ESYT3: variants seen among roughly 807,000 people sequenced by gnomAD.
ESYT3 encodes the protein extended synaptotagmin 3, also known as extended synaptotagmin-3.
Under a neutral mutation model 111.5 loss-of-function variants are expected in ESYT3, and 101 were observed. That is an observed-to-expected ratio of 0.91 (90% CI 0.77 to 1.07). ESYT3 has a LOEUF of 1.07. Among genes scored for constraint, ESYT3 ranks in the 50% least tolerant of loss-of-function variants. The probability of loss-of-function intolerance (pLI) is 0.00; values close to 1 mark genes in which losing one functional copy is unlikely to be tolerated. For synonymous variants in ESYT3, 416 were observed against 446.8 expected, an observed-to-expected ratio of 0.93 and a Z score of 0.87; for missense variants, 1,097 against 1,109.4, an observed-to-expected ratio of 0.99 and a Z score of 0.16.
intron 18 of ESYT3, chr3:138,473,076 G>T: frequency 7.1e-7 from 1 of 1,412,512 alleles, no homozygotes; most frequent in Non-Finnish European, 9.2e-7. Flanking sequence ...CTATAAAATA[G>T]ATGCTGGACT....
intron 1 of ESYT3, among the ~76,000 whole-genome samples, chr3:138,445,379 C>G (rs553635096): frequency 6.6e-6 from 1 of 152,228 alleles, no homozygotes; most frequent in African/African-American, 2.4e-5. Context: ...GCAGTTGCCC[C>G]CATTGGGCAG....
At position 138,479,084 on chromosome 3, in the gene ESYT3, AAAAC is replaced by A. The variant is rs2033611996; in HGVS notation, c.*2232_*2235del. 6.6e-6 allele frequency: 1 copy of A among 152,244 alleles called. No individual in the cohort carries two copies. Among genetic ancestry groups the A allele is most frequent in the Non-Finnish European group, 1.5e-5 (1 of 68,050 alleles). The allele number at this position is 152,244 out of a possible 1,614,324, so 9.4% of individuals were successfully genotyped here. A position where few individuals can be genotyped will look rare whatever the true frequency, so the allele number is the denominator to read the frequency against. On this transcript the variant is annotated 3_prime_UTR_variant, in exon 23 of 23. Transcript: ENST00000389567. ...CAAAAATAAATTATGAAACAAAACAAAAACAGACTTTAAAAAAAATACAAAGTAC... is the reference window on the plus strand; with the variant it reads ...CAAAAATAAATTATGAAACAAAACAAAGACTTTAAAAAAAATACAAAGTAC...
In ESYT3 at chr3:138,467,563, T is replaced by C; in HGVS notation, c.1172T>C (p.Leu391Pro). The C allele has an allele frequency of 6.2e-7, 1 of 1,614,156 alleles. No homozygotes were observed. Among genetic ancestry groups the C allele is most frequent in the Non-Finnish European group, 8.5e-7 (1 of 1,180,008 alleles). Residue 391 changes from leucine to proline, a missense_variant and splice_region_variant, in exon 11 of 23, where the codon CTG becomes CCG. Leu to Pro is a moderately conservative substitution (Grantham distance 98). Transcript: ENST00000389567. ...DTDRDDFLGSLQICLGDVMTN... is the reference protein window; with the variant it reads ...DTDRDDFLGSPQICLGDVMTN... ...TCCCCTCTCCCTGTATATTCCAGCCTGCAGATCTGCCTTGGAGATGTCATG... is the reference window on the plus strand; with the variant it reads ...TCCCCTCTCCCTGTATATTCCAGCCCGCAGATCTGCCTTGGAGATGTCATG...
chr3:138,436,742 A>G (rs1431463171), intron 1 of ESYT3, among the ~76,000 whole-genome samples: 2 of 152,158 alleles, frequency 1.3e-5, no homozygotes, highest in African/African-American at 4.8e-5. Context: ...CCTTGCACAC[A>G]GTTGAGGGAG....
At position 138,434,814 on chromosome 3, in the gene ESYT3, C is replaced by A; in HGVS notation, c.16C>A (p.Pro6Thr). ...CGGCGACGAGATGCGAGCAGAGGAG[C>A]CCTGCGCCCCCGGGGCCCCCAGCGC... MRAEE[P>T]CAPGAPSALG... is the part of the protein sequence containing the mutation. The change falls in exon 1 of 23, where the codon CCC (proline) becomes ACC (threonine). Residue 6 changes from proline (P) to threonine (T), a missense_variant. Coordinates refer to ENST00000389567, the MANE Select transcript of ESYT3 (RefSeq NM_031913.5). 1 of 1,560,234 alleles carries A rather than the reference C, an allele frequency of 6.4e-7. No individual in the cohort carries two copies. The highest frequency in any genetic ancestry group is 8.7e-7 in the Non-Finnish European group (1 of 1,155,094).
At chr3:138,464,200 C>A in intron 8 of ESYT3, 145 bp from the exon 9 acceptor site, 1 of 884,746 alleles carries the variant, frequency 1.1e-6, no homozygotes, top group Non-Finnish European at 1.7e-6. Flanking sequence ...CAGGTCACTG[C>A]CGTATCTGGC....
chr3:138,448,659 CA>C (rs1252025146), intron 1 of ESYT3, among the ~76,000 whole-genome samples: 2 of 151,754 alleles, frequency 1.3e-5, no homozygotes, highest in South Asian at 4.1e-4. Flanking sequence ...CTTCAAGTTC[CA>C]AAAAAAGACC....
At chr3:138,470,765 T>C in intron 16 of ESYT3, 112 bp from the exon 17 acceptor site, 1 of 1,551,074 alleles carries the variant, frequency 6.4e-7, no homozygotes, top group Non-Finnish European at 8.7e-7. Flanking sequence ...CAGATGCCCA[T>C]AGAAGCACAG....
intron 19 of ESYT3, 31 bp downstream of exon 19, chr3:138,473,665 T>C: frequency 6.3e-7 from 1 of 1,585,072 alleles, no homozygotes; most frequent in Non-Finnish European, 8.7e-7. Context: ...GGGAGGTCCT[T>C]TGGGAGCATC....
intron 1 of ESYT3, among the ~76,000 whole-genome samples, chr3:138,451,749 C>T (rs980223671): frequency 6.6e-6 from 1 of 152,370 alleles, no homozygotes; most frequent in East Asian, 1.9e-4. Flanking sequence ...TGCCCAGAAA[C>T]GCCCACGCGA....
intron 18 of ESYT3, chr3:138,473,146 C>A: frequency 7.5e-7 from 1 of 1,332,908 alleles, no homozygotes; most frequent in Non-Finnish European, 9.6e-7. Context: ...ACATGGAAAG[C>A]TTAATATGTA....
At position 138,435,793 on chromosome 3, in the gene ESYT3, C is replaced by T. The variant is rs952850434; in HGVS notation, c.327+668C>T. ...ATTCCTCAAACGCTTCTGGTCCTGG[C>T]TTACCTAACAAAACCCAAGTTCTGG... is the stretch of plus-strand genomic sequence containing the variant. On this transcript the variant is annotated intron_variant, in intron 1 of 22. Coordinates refer to ENST00000389567, the MANE Select transcript of ESYT3 (RefSeq NM_031913.5). This position sits in a 1 kb window ranked among gnomAD's most constrained non-coding sequence, Gnocchi z 4.8. Among the ~76,000 whole-genome samples the T allele has an allele frequency of 5.9e-5, 9 of 152,344 alleles. No homozygotes were observed. Among genetic ancestry groups the T allele is most frequent in the African/African-American group, 2.2e-4 (9 of 41,582 alleles).
intron 8 of ESYT3, 154 bp downstream of exon 8, chr3:138,462,360 A>G (rs2032695808): frequency 9.1e-6 from 10 of 1,092,970 alleles, no homozygotes; most frequent in Non-Finnish European, 1.2e-5. Context: ...CATAATTACT[A>G]AAGACATTTT....
intron 21 of ESYT3, 52 bp from the exon 22 acceptor site, chr3:138,476,391 C>A (rs2033482793): frequency 6.2e-7 from 1 of 1,605,694 alleles, no homozygotes; most frequent in Admixed American, 1.7e-5. Flanking sequence ...ATCCCAATTT[C>A]TTTCCTTAAT....
At chr3:138,443,746 G>GTGTGTA (rs1361525680) in intron 1 of ESYT3, among the ~76,000 whole-genome samples, 1 of 149,594 alleles carries the variant, frequency 6.7e-6, no homozygotes, top group Non-Finnish European at 1.5e-5. Flanking sequence ...CTGTGTGTGT[G>GTGTGTA]TGTGTGTGTG....
At chr3:138,447,374 T>C (rs1347361586) in intron 1 of ESYT3, among the ~76,000 whole-genome samples, 2 of 152,158 alleles carry the variant, frequency 1.3e-5, no homozygotes, top group Admixed American at 1.3e-4. Flanking sequence ...CAAAAATATA[T>C]ACCTATTGAA....
intron 1 of ESYT3, among the ~76,000 whole-genome samples, chr3:138,443,920 C>G (rs1483364316): frequency 1.3e-5 from 2 of 152,200 alleles, no homozygotes; most frequent in Non-Finnish European, 2.9e-5. Flanking sequence ...ACCCCAGACC[C>G]ATCTGTGTGG....
intron 1 of ESYT3, among the ~76,000 whole-genome samples, chr3:138,448,186 G>C (rs918186637): frequency 1.4e-5 from 2 of 144,680 alleles, no homozygotes; most frequent in African/African-American, 5.2e-5. Context: ...AGAATCACTT[G>C]AACCCAGTGG....
chr3:138,453,683 C>T (rs1034889123), intron 2 of ESYT3, among the ~76,000 whole-genome samples: 2 of 152,144 alleles, frequency 1.3e-5, no homozygotes, highest in African/African-American at 4.8e-5. Flanking sequence ...AAAGATGTAA[C>T]GCAGGCAGAG....
Sources: gnomAD v4.1 joint callset for allele counts (sites outside exome capture counted in the v4.1 genomes callset) on GRCh38, gnomAD v4.1.1 for gene constraint, Gnocchi (gnomAD v3.1) non-coding constraint, MANE v1.5 for transcripts, NCBI Gene and HGNC (gene_info 2026-07-23, HGNC 2026-07-21) for gene names.